The following LRRTM4 variants were observed in gnomAD, a reference collection of about 807,000 sequenced individuals.
LRRTM4 encodes leucine-rich repeat transmembrane neuronal protein 4.
LRRTM4 carries 25 observed loss-of-function variants against 47.6 expected under a neutral mutation model. The observed-to-expected ratio is 0.53, with a 90% CI of 0.38 to 0.73. LRRTM4 has a LOEUF of 0.73. Ranked by LOEUF, LRRTM4 falls within the 30% of genes least tolerant of loss-of-function variation. The pLI, the probability that LRRTM4 is intolerant of heterozygous loss-of-function variation, is 0.00. For missense variants in LRRTM4, 638 were observed against 713.4 expected (o/e 0.89, Z 1.20); for synonymous variants, 311 against 269.5 (o/e 1.15, Z -1.51).
chr2:77,053,384 A>C (rs1679502800), intron 3 of LRRTM4, among the ~76,000 whole-genome samples: 1 of 152,200 alleles, frequency 6.6e-6, no homozygotes. Context: ...GTTCAATATG[A>C]AGCATAGTAG....
At chr2:77,494,458 A>G (rs1678284464) in intron 3 of LRRTM4, among the ~76,000 whole-genome samples, 1 of 152,038 alleles carries the variant, frequency 6.6e-6, no homozygotes, top group African/African-American at 2.4e-5. Flanking sequence ...GTTCCCCAAC[A>G]TTTAGATACT....
intron 3 of LRRTM4, among the ~76,000 whole-genome samples, chr2:76,892,566 A>T (rs1476997758): frequency 6.6e-6 from 1 of 151,688 alleles, no homozygotes; most frequent in African/African-American, 2.4e-5. Context: ...TGGCAAACTC[A>T]AAGACAGTAA....
At chr2:77,353,785 A>G (rs1055529645) in intron 3 of LRRTM4, among the ~76,000 whole-genome samples, 1 of 152,120 alleles carries the variant, frequency 6.6e-6, no homozygotes, top group African/African-American at 2.4e-5. Context: ...TGTACCCCCA[A>G]CTGATATGAA....
chr2:77,385,110 T>A (rs1436981646), intron 3 of LRRTM4, among the ~76,000 whole-genome samples: 1 of 152,110 alleles, frequency 6.6e-6, no homozygotes, highest in Non-Finnish European at 1.5e-5. Context: ...TTGTAACATA[T>A]TTTACAAAGT....
At chr2:77,098,261 T>C (rs1670863373) in intron 3 of LRRTM4, among the ~76,000 whole-genome samples, 1 of 152,026 alleles carries the variant, frequency 6.6e-6, no homozygotes, top group Non-Finnish European at 1.5e-5. Context: ...TGTCTCATCA[T>C]TACACCAGTG....
chr2:77,307,323 G>A (rs66589150), intron 3 of LRRTM4, among the ~76,000 whole-genome samples: 22,069 of 151,120 alleles, frequency 0.15, 2,118 homozygotes, highest in East Asian at 0.42. Flanking sequence ...CCTTTCAGCT[G>A]TGCTTTTCTC....
chr2:77,123,213 CAGAGAGAGAG>C (rs56149151), intron 3 of LRRTM4, among the ~76,000 whole-genome samples: 7 of 142,890 alleles, frequency 4.9e-5, no homozygotes, highest in African/African-American at 1.9e-4. Flanking sequence ...TTCAGTCTCA[CAGAGAGAGAG>C]AGAGAGAGAG....
At chr2:77,448,613 T>C (rs1676141400) in intron 3 of LRRTM4, among the ~76,000 whole-genome samples, 1 of 151,846 alleles carries the variant, frequency 6.6e-6, no homozygotes, top group African/African-American at 2.4e-5. Context: ...CTGCCTTCCT[T>C]CTTTAGGTCC....
At chr2:77,457,026 ATATATATATATATATATATATATATG>A (rs1333403476) in intron 3 of LRRTM4, among the ~76,000 whole-genome samples, 15 of 22,950 alleles carry the variant, frequency 6.5e-4, no homozygotes, top group African/African-American at 2.1e-3. Context: ...ATATATATAT[ATATATATATATATATATATATATATG>A]TATAACCTGG....
At chr2:77,008,602 G>A (rs1383483667) in intron 3 of LRRTM4, among the ~76,000 whole-genome samples, 1 of 152,106 alleles carries the variant, frequency 6.6e-6, no homozygotes, top group East Asian at 1.9e-4. Context: ...CCTGACAGCT[G>A]TATAATTGAA....
At chr2:77,077,734 GA>G (rs1426744856) in intron 3 of LRRTM4, among the ~76,000 whole-genome samples, 1 of 152,060 alleles carries the variant, frequency 6.6e-6, no homozygotes, top group Non-Finnish European at 1.5e-5. Flanking sequence ...ATGTTTTTGG[GA>G]AATAAATCCC....
rs1679273400 is a variant in LRRTM4, at chr2:77,517,812, T to C, written c.1551+506A>G. 3.0e-6 allele frequency: 3 copies of C among 985,898 alleles called. No homozygotes were observed. The South Asian group carries it at 1.4e-4, about 46-fold the overall frequency. The allele number at this position is 985,898 out of a possible 1,614,324, so 61.1% of individuals were successfully genotyped here. On this transcript the variant is annotated intron_variant, in intron 3 of 3. Coordinates refer to ENST00000409884, the MANE Select transcript of LRRTM4 (RefSeq NM_001134745.3). ...AAGTAACATGGGTGTGAGATCCCTG[T>C]TGCATGCTTTCATTAAAACTAAAAA...
chr2:77,103,997 T>C (rs1558581836), intron 3 of LRRTM4, among the ~76,000 whole-genome samples: 1 of 152,204 alleles, frequency 6.6e-6, no homozygotes, highest in Non-Finnish European at 1.5e-5. Flanking sequence ...GACTATTTGG[T>C]CATTTTACTT....
chr2:77,255,483 T>C (rs995742385), intron 3 of LRRTM4, among the ~76,000 whole-genome samples: 2 of 152,042 alleles, frequency 1.3e-5, no homozygotes, highest in African/African-American at 2.4e-5. Flanking sequence ...TTTTCATATG[T>C]TGACAGAACA....
intron 3 of LRRTM4, among the ~76,000 whole-genome samples, chr2:76,940,165 T>C (rs2103858448): frequency 6.6e-6 from 1 of 152,278 alleles, no homozygotes; most frequent in South Asian, 2.1e-4. Flanking sequence ...ATGTAAGTAA[T>C]TCTATCAAAA....
intron 3 of LRRTM4, among the ~76,000 whole-genome samples, chr2:77,121,447 T>TA (rs1671519482): frequency 6.6e-6 from 1 of 151,844 alleles, no homozygotes; most frequent in African/African-American, 2.4e-5. Context: ...TAAGACATAT[T>TA]AATTGTTATG....
chr2:77,425,825 G>C (rs1177636667), intron 3 of LRRTM4, among the ~76,000 whole-genome samples: 1 of 151,862 alleles, frequency 6.6e-6, no homozygotes, highest in Non-Finnish European at 1.5e-5. Context: ...GTGATTAAAA[G>C]TCAATCCTGG....
chr2:77,083,125 T>G (rs923196617), intron 3 of LRRTM4, among the ~76,000 whole-genome samples: 1 of 152,218 alleles, frequency 6.6e-6, no homozygotes, highest in Non-Finnish European at 1.5e-5. Context: ...ATTATTTTTA[T>G]GAGCAAACCT....
chr2:76,792,550 C>T (rs780780956), intron 3 of LRRTM4, among the ~76,000 whole-genome samples: 15 of 150,886 alleles, frequency 9.9e-5, no homozygotes, highest in Admixed American at 2.0e-4. Flanking sequence ...ACTGATGGCA[C>T]AAGGTAAGTT....
Sources: allele counts gnomAD v4.1 joint callset (sites outside exome capture counted in the v4.1 genomes callset), GRCh38; gene constraint gnomAD v4.1.1; transcripts MANE v1.5; gene names NCBI Gene and HGNC (gene_info 2026-07-23, HGNC 2026-07-21).